The following DNAL1 variants were observed in gnomAD, a reference collection of about 807,000 sequenced individuals.
DNAL1 encodes dynein axonemal light chain 1, also known as chromosome 14 open reading frame 168.
In DNAL1, 17 loss-of-function variants were observed where a neutral mutation model predicts 29.4. The ratio of observed to expected loss-of-function variants is 0.58; its 90% CI spans 0.40 to 0.87. The LOEUF (loss-of-function observed/expected upper bound fraction) is 0.87, where lower values mean the gene tolerates loss of function less well. Ranked by LOEUF, DNAL1 falls within the 40% of genes least tolerant of loss-of-function variation. The pLI is 0.00. For synonymous variants in DNAL1, 78 were observed against 76.3 expected, an observed-to-expected ratio of 1.02 and a Z score of -0.12; for missense variants, 188 against 214.1, an observed-to-expected ratio of 0.88 and a Z score of 0.76.
chr14:73,689,281 C>T, intron 6 of DNAL1, 94 bp from the exon 7 acceptor site: 1 of 1,452,758 alleles, frequency 6.9e-7, no homozygotes, highest in Non-Finnish European at 9.3e-7. Flanking sequence ...ATCCGCCCGC[C>T]TTGTCCCCCC....
intron 4 of DNAL1, among the ~76,000 whole-genome samples, chr14:73,670,711 TTTTA>T (rs941827423): frequency 2.0e-5 from 3 of 151,378 alleles, no homozygotes; most frequent in African/African-American, 4.8e-5. Flanking sequence ...AGGCATTTTA[TTTTA>T]TTTTTTATTT....
chr14:73,685,296 C>G (rs1311911351), intron 5 of DNAL1, among the ~76,000 whole-genome samples: 5 of 152,174 alleles, frequency 3.3e-5, no homozygotes, highest in African/African-American at 1.2e-4. Flanking sequence ...ATCCCTGGCA[C>G]CCACCATTCC....
intron 7 of DNAL1, among the ~76,000 whole-genome samples, chr14:73,693,872 T>C (rs1892233182): frequency 6.6e-6 from 1 of 152,188 alleles, no homozygotes; most frequent in South Asian, 2.1e-4. Flanking sequence ...TTGTGTTCAC[T>C]TTATGAACAT....
At chr14:73,662,404 T>C (rs763627139) in intron 4 of DNAL1, among the ~76,000 whole-genome samples, 10 of 152,228 alleles carry the variant, frequency 6.6e-5, no homozygotes, top group Non-Finnish European at 1.2e-4. Flanking sequence ...TTATCCTCGT[T>C]AATGACATTG....
At chr14:73,655,492 C>T (rs960917012) in intron 2 of DNAL1, among the ~76,000 whole-genome samples, 7 of 151,678 alleles carry the variant, frequency 4.6e-5, no homozygotes, top group South Asian at 4.2e-4. Context: ...TACAGGCACG[C>T]GCCACAATGC....
In DNAL1 at chr14:73,644,992, A is replaced by T. The variant is rs1246275455; in HGVS notation, c.-48A>T. The T allele has an allele frequency of 1.9e-6, 3 of 1,603,322 alleles. No individual in the cohort carries two copies. In the African/African-American group the frequency reaches 4.0e-5, roughly 21 times the overall value. Reference sequence around the variant, plus strand: ...CGCCGAGAAGTGCGCACGCGCACTGACCCCGCGGGCCCTAGCAACCAGAGC... The same window carrying T: ...CGCCGAGAAGTGCGCACGCGCACTGTCCCCGCGGGCCCTAGCAACCAGAGC... On this transcript the variant is annotated 5_prime_UTR_variant, in exon 1 of 8. Transcript: ENST00000553645.
At chr14:73,682,469 A>T (rs1182509090) in intron 5 of DNAL1, among the ~76,000 whole-genome samples, 1 of 150,688 alleles carries the variant, frequency 6.6e-6, no homozygotes, top group Non-Finnish European at 1.5e-5. Flanking sequence ...GATTACAGGC[A>T]TGAGCCACTG....
Position 73,671,369 on chromosome 14 carries a change from G to A in DNAL1, c.209-173G>A, listed in dbSNP as rs79966724. Among the ~76,000 whole-genome samples the A allele has an allele frequency of 8.1e-3, 1,228 of 152,154 alleles. 24 individuals are homozygous for A. The highest frequency in any genetic ancestry group is 0.028 in the African/African-American group (1,164 of 41,526). On this transcript the variant is annotated intron_variant, in intron 4 of 7. Transcript: ENST00000553645. ...TATACCTGTACTGTTTACTTTAGAT[G>A]ATAGGTCAATGTTATTTCTACTTGA...
intron 1 of DNAL1, among the ~76,000 whole-genome samples, chr14:73,646,359 G>T (rs12433188): frequency 0.18 from 26,821 of 152,190 alleles, 3,082 homozygotes; most frequent in South Asian, 0.23. Flanking sequence ...AAACCAGATG[G>T]TGTAGGCTAT....
At chr14:73,649,383 C>G (rs975804472) in intron 1 of DNAL1, among the ~76,000 whole-genome samples, 1 of 151,036 alleles carries the variant, frequency 6.6e-6, no homozygotes, top group Admixed American at 6.6e-5. Flanking sequence ...CCCGGGTTCA[C>G]GCCATTCTCC....
intron 4 of DNAL1, among the ~76,000 whole-genome samples, chr14:73,670,704 CATTTT>C (rs980543131): frequency 2.0e-4 from 30 of 151,444 alleles, no homozygotes; most frequent in African/African-American, 5.5e-4. Flanking sequence ...TAAAGATAGG[CATTTT>C]ATTTTATTTT....
rs1018304238 is a variant in DNAL1 at position 73,697,176 on chromosome 14, G to C, written c.*1234G>C. 6.6e-6 allele frequency: 1 copy of C among 152,170 alleles called. No homozygotes were observed. Among genetic ancestry groups the C allele is most frequent in the Non-Finnish European group, 1.5e-5 (1 of 68,028 alleles). 9.4% of individuals were successfully genotyped at this position (152,170 alleles called of 1,614,324 possible). On this transcript the variant is annotated 3_prime_UTR_variant, in exon 8 of 8. Coordinates refer to ENST00000553645, the MANE Select transcript of DNAL1 (RefSeq NM_031427.4). ...GATGAGGTCATAGGAGGCCATGGCT[G>C]GATCACTATTAGATTGCAGAAAAGA...
chr14:73,651,590 A>G (rs1271799292), intron 1 of DNAL1, among the ~76,000 whole-genome samples: 1 of 152,136 alleles, frequency 6.6e-6, no homozygotes, highest in Non-Finnish European at 1.5e-5. Flanking sequence ...TGACACTTTT[A>G]TGTTTTTTAT....
At chr14:73,693,346 G>A (rs1040552049) in intron 7 of DNAL1, among the ~76,000 whole-genome samples, 3 of 152,154 alleles carry the variant, frequency 2.0e-5, no homozygotes, top group Non-Finnish European at 4.4e-5. Flanking sequence ...AAAAGGGTGT[G>A]AATGTTTACC....
intron 1 of DNAL1, among the ~76,000 whole-genome samples, chr14:73,648,417 T>TA (rs71112789): frequency 3.5e-4 from 47 of 132,722 alleles, no homozygotes; most frequent in South Asian, 9.7e-4. Context: ...TATATATATA[T>TA]TTGTTGTTTG....
chr14:73,670,938 G>A (rs1021584315), intron 4 of DNAL1, among the ~76,000 whole-genome samples: 34 of 151,386 alleles, frequency 2.2e-4, no homozygotes, highest in African/African-American at 7.5e-4. Flanking sequence ...GGGTTTCACC[G>A]TGTTAGCCAG....
At chr14:73,676,210 G>T (rs1220470639) in intron 5 of DNAL1, among the ~76,000 whole-genome samples, 1 of 151,222 alleles carries the variant, frequency 6.6e-6, no homozygotes, top group Non-Finnish European at 1.5e-5. Context: ...CTCCAGCCTG[G>T]GTGACAGAGC....
At chr14:73,671,703 G>T in intron 5 of DNAL1, 106 bp downstream of exon 5, 1 of 1,222,254 alleles carries the variant, frequency 8.2e-7, no homozygotes, top group Admixed American at 4.2e-5. Context: ...AAAGGTATCA[G>T]TTTCTTTTAA....
chr14:73,646,803 A>T (rs1298729425), intron 1 of DNAL1, among the ~76,000 whole-genome samples: 2 of 152,078 alleles, frequency 1.3e-5, no homozygotes, highest in Non-Finnish European at 2.9e-5. Context: ...ACAGTATTAC[A>T]ATCTTATGTA....
Sources: allele counts gnomAD v4.1 joint callset (sites outside exome capture counted in the v4.1 genomes callset), GRCh38; gene constraint gnomAD v4.1.1; transcripts MANE v1.5; gene names NCBI Gene and HGNC (gene_info 2026-07-23, HGNC 2026-07-21).